The following MAL2 variants were observed in gnomAD, a reference collection of about 807,000 sequenced individuals.
The protein encoded by MAL2 is mal, T cell differentiation protein 2.
A neutral mutation model predicts 18.1 loss-of-function variants in MAL2; 17 were observed. The observed-to-expected ratio is 0.94, with a 90% CI of 0.64 to 1.41. The LOEUF (loss-of-function observed/expected upper bound fraction) is 1.41, where lower values mean the gene tolerates loss of function less well. Ranked by LOEUF, MAL2 falls within the 40% of genes most tolerant of loss-of-function variation. The pLI is 0.00. For synonymous variants in MAL2, 102 were observed against 102.3 expected (o/e 1.00, Z 0.02); for missense variants, 222 against 231.9 (o/e 0.96, Z 0.28).
intron 2 of MAL2, among the ~76,000 whole-genome samples, chr8:119,236,621 A>G (rs1026087815): frequency 2.6e-5 from 4 of 151,852 alleles, no homozygotes; most frequent in Non-Finnish European, 5.9e-5. Context: ...TCAAACTAGA[A>G]CTCAGGATTA....
Position 119,208,414 on chromosome 8 carries a change from G to T in MAL2, c.-59G>T. 1 of 997,504 alleles carries T rather than the reference G, an allele frequency of 1.0e-6. No individual in the cohort carries two copies. Among genetic ancestry groups the T allele is most frequent in the Non-Finnish European group, 1.2e-6 (1 of 818,680 alleles). 61.8% of individuals were successfully genotyped at this position (997,504 alleles called of 1,614,324 possible). A position where few individuals can be genotyped will look rare whatever the true frequency, so the allele number is the denominator to read the frequency against. ...GCGGCGGCGGCGGCGGCAGGAGCCC[G>T]GGAGGCGGAGGCGGGAGGCGGCGGC... On this transcript the variant is annotated 5_prime_UTR_variant, in exon 1 of 4. Coordinates refer to ENST00000614891, the MANE Select transcript of MAL2 (RefSeq NM_052886.3). The surrounding 1 kb of genome is among the most constrained non-coding windows in gnomAD (Gnocchi z 4.3).
At chr8:119,239,370 T>A (rs1322790253) in intron 2 of MAL2, among the ~76,000 whole-genome samples, 4 of 151,890 alleles carry the variant, frequency 2.6e-5, no homozygotes, top group Non-Finnish European at 1.5e-5. Context: ...AGTGTGGCGA[T>A]TCCTCAGGGA....
chr8:119,231,454 G>C (rs1817726886), intron 2 of MAL2, among the ~76,000 whole-genome samples: 1 of 152,156 alleles, frequency 6.6e-6, no homozygotes, highest in African/African-American at 2.4e-5. Context: ...GGTTTGATAG[G>C]AAAGAACGTA....
chr8:119,236,718 GA>G (rs1466806768), intron 2 of MAL2, among the ~76,000 whole-genome samples: 8 of 150,564 alleles, frequency 5.3e-5, no homozygotes, highest in Admixed American at 5.3e-4. Flanking sequence ...AATGAAGGCA[GA>G]AATAAAGATG....
intron 1 of MAL2, among the ~76,000 whole-genome samples, chr8:119,214,835 G>A (rs1324134571): frequency 6.6e-6 from 1 of 152,172 alleles, no homozygotes; most frequent in African/African-American, 2.4e-5. Context: ...AGCCTCTTAT[G>A]TGTATGTCAT....
intron 3 of MAL2, among the ~76,000 whole-genome samples, chr8:119,242,013 G>A (rs1186357323): frequency 6.6e-6 from 1 of 152,060 alleles, no homozygotes; most frequent in African/African-American, 2.4e-5. Context: ...GCTTTACAAA[G>A]CAAAGTTCAG....
chr8:119,238,796 A>C (rs779645002), intron 2 of MAL2, among the ~76,000 whole-genome samples: 42 of 151,124 alleles, frequency 2.8e-4, no homozygotes, highest in Admixed American at 4.6e-4. Flanking sequence ...TAAAGACTTA[A>C]ACCTTAGACC....
At chr8:119,236,660 A>C (rs918127843) in intron 2 of MAL2, among the ~76,000 whole-genome samples, 12 of 151,538 alleles carry the variant, frequency 7.9e-5, no homozygotes, top group Admixed American at 5.9e-4. Flanking sequence ...GCTCAACTAC[A>C]TGGAAACTGA....
At chr8:119,234,342 A>G (rs981726667) in intron 2 of MAL2, among the ~76,000 whole-genome samples, 1 of 152,180 alleles carries the variant, frequency 6.6e-6, no homozygotes, top group Non-Finnish European at 1.5e-5. Context: ...CTAGCACAGC[A>G]GTCTGAGATC....
intron 1 of MAL2, among the ~76,000 whole-genome samples, chr8:119,210,021 G>T (rs1021328885): frequency 6.6e-6 from 1 of 152,186 alleles, no homozygotes; most frequent in African/African-American, 2.4e-5. Flanking sequence ...TCCATGTTCT[G>T]CAAGCTCCAG....
chr8:119,223,810 T>A (rs372098409), intron 2 of MAL2: 2 of 152,118 alleles, frequency 1.3e-5, no homozygotes, highest in African/African-American at 2.4e-5. Context: ...GTCTTTTTTT[T>A]ATTATTATTA....
At chr8:119,239,770 T>TG (rs1818006347) in intron 2 of MAL2, among the ~76,000 whole-genome samples, 1 of 147,916 alleles carries the variant, frequency 6.8e-6, no homozygotes, top group Non-Finnish European at 1.5e-5. Flanking sequence ...GGGACTGTTG[T>TG]GGGGAGGGAT....
chr8:119,238,416 G>GA (rs752172180), intron 2 of MAL2, among the ~76,000 whole-genome samples: 6 of 152,078 alleles, frequency 3.9e-5, no homozygotes, highest in South Asian at 2.1e-4. Context: ...CACAGAATTG[G>GA]AAAAAACTAC....
At chr8:119,235,732 C>A (rs540658032) in intron 2 of MAL2, among the ~76,000 whole-genome samples, 1 of 149,468 alleles carries the variant, frequency 6.7e-6, no homozygotes, top group South Asian at 2.1e-4. Flanking sequence ...ACTTTACAGA[C>A]AAGCAAATGC....
intron 1 of MAL2, among the ~76,000 whole-genome samples, chr8:119,217,723 G>T (rs1025129038): frequency 6.6e-6 from 1 of 152,072 alleles, no homozygotes; most frequent in Admixed American, 6.6e-5. Context: ...AGTTGCTACT[G>T]TATTTATCAT....
chr8:119,211,185 A>G (rs1253319301), intron 1 of MAL2, among the ~76,000 whole-genome samples: 1 of 152,168 alleles, frequency 6.6e-6, no homozygotes. Context: ...AAAATTGGCC[A>G]TCTCCCATGG....
At chr8:119,216,739 C>A (rs185549491) in intron 1 of MAL2, among the ~76,000 whole-genome samples, 3 of 152,256 alleles carry the variant, frequency 2.0e-5, no homozygotes, top group Admixed American at 2.0e-4. Flanking sequence ...ATAGTGTTTT[C>A]CCTTATGGGT....
At chr8:119,238,518 T>G (rs1817964517) in intron 2 of MAL2, among the ~76,000 whole-genome samples, 1 of 150,844 alleles carries the variant, frequency 6.6e-6, no homozygotes, top group Non-Finnish European at 1.5e-5. Context: ...CTACCTGACT[T>G]CAAACTATAC....
At position 119,220,476 on chromosome 8, in the gene MAL2, C is replaced by T. The variant is rs368792257; in HGVS notation, c.133-1111C>T. Among the ~76,000 whole-genome samples the T allele has an allele frequency of 1.2e-4, 18 of 152,218 alleles. No homozygotes were observed. The East Asian group carries it at 1.5e-3, about 13-fold the overall frequency. ...TCCCCAGTCCATTCTCACATTCTAG[C>T]CAGAGAGAAATTTCTAAAGGCAAAT... On this transcript the variant is annotated intron_variant, in intron 1 of 3. Coordinates refer to ENST00000614891, the MANE Select transcript of MAL2 (RefSeq NM_052886.3).
Sources: gnomAD v4.1 joint callset for allele counts (sites outside exome capture counted in the v4.1 genomes callset) on GRCh38, gnomAD v4.1.1 for gene constraint, Gnocchi (gnomAD v3.1) non-coding constraint, MANE v1.5 for transcripts, NCBI Gene and HGNC (gene_info 2026-07-23, HGNC 2026-07-21) for gene names.